Variants in ZNF423 observed in about 807,000 individuals in gnomAD.
The protein encoded by ZNF423 is zinc finger protein 423, also known as Ebf-associated zinc finger protein.
In ZNF423, 12 loss-of-function variants were observed where a neutral mutation model predicts 95.8. The ratio of observed to expected loss-of-function variants is 0.13; its 90% CI spans 0.08 to 0.20. The LOEUF (loss-of-function observed/expected upper bound fraction) is 0.20. Among genes scored for constraint, ZNF423 ranks in the 10% least tolerant of loss-of-function variants. ZNF423 has a pLI of 1.00. For synonymous variants in ZNF423, 749 were observed against 711.9 expected, an observed-to-expected ratio of 1.05 and a Z score of -0.83; for missense variants, 1,316 against 1,737.1, an observed-to-expected ratio of 0.76 and a Z score of 4.31.
chr16:49,704,283 G>A (rs546662433), intron 3 of ZNF423, among the ~76,000 whole-genome samples: 1 of 152,046 alleles, frequency 6.6e-6, no homozygotes, highest in African/African-American at 2.4e-5. Context: ...GACACTCCAC[G>A]AAAACTCCCA....
At chr16:49,529,415 A>C (rs994686372) in intron 5 of ZNF423, among the ~76,000 whole-genome samples, 5 of 152,234 alleles carry the variant, frequency 3.3e-5, no homozygotes, top group African/African-American at 1.2e-4. Flanking sequence ...TCCTCTGCTC[A>C]GGAATAAGTG....
At chr16:49,499,776 A>G (rs1311225991) in intron 7 of ZNF423, among the ~76,000 whole-genome samples, 3 of 152,128 alleles carry the variant, frequency 2.0e-5, no homozygotes, top group African/African-American at 7.2e-5. Context: ...GGGGAAGAAA[A>G]AAGCCCAATA....
At chr16:49,848,184 TG>T (rs1233307760) in intron 1 of ZNF423, among the ~76,000 whole-genome samples, 5 of 152,124 alleles carry the variant, frequency 3.3e-5, no homozygotes, top group Non-Finnish European at 7.4e-5. Context: ...AAGCAGGAGT[TG>T]GGGGATGAAG....
At position 49,637,359 on chromosome 16, in the gene ZNF423, T is replaced by C. The variant is rs1397368982; in HGVS notation, c.1817A>G (p.Lys606Arg). 1.9e-6 allele frequency: 3 copies of C among 1,614,130 alleles called. No homozygotes were observed. The highest frequency in any genetic ancestry group is 1.3e-5 in the African/African-American group (1 of 74,946). Residue 606 changes from lysine (K) to arginine (R), a missense_variant, in exon 4 of 8, where the codon AAG (lysine) becomes AGG (arginine). By Grantham distance (26) the Lys-to-Arg change is conservative (BLOSUM62 2). Around this residue, in one of 6 missense-constraint regions of ZNF423, gnomAD observed 620 missense variants for 775.6 expected, o/e 0.80. Coordinates refer to ENST00000563137, the MANE Select transcript of ZNF423 (RefSeq NM_001379286.1). This position sits in a 1 kb window ranked among gnomAD's most constrained non-coding sequence, Gnocchi z 5.6. ...GACTGGGCTCTGCTCGGCCTTGGAC[T>C]TCTTGCTGTGGGCCAGTGGAATGTT... The part of the protein sequence containing the change: ...HKNIPLAHSK[K>R]SKAEQSPVSS...
chr16:49,570,018 C>T (rs997674842), intron 5 of ZNF423, among the ~76,000 whole-genome samples: 24 of 152,184 alleles, frequency 1.6e-4, no homozygotes, highest in Non-Finnish European at 2.6e-4. Flanking sequence ...TGCATTCTGA[C>T]CCTCCTCACC....
chr16:49,509,260 C>T (rs1967783866), intron 7 of ZNF423, among the ~76,000 whole-genome samples: 1 of 152,098 alleles, frequency 6.6e-6, no homozygotes, highest in Non-Finnish European at 1.5e-5. Context: ...CCCTGCTGTC[C>T]CCTGGGACGC....
At chr16:49,502,312 G>A (rs956458633) in intron 7 of ZNF423, among the ~76,000 whole-genome samples, 3 of 152,192 alleles carry the variant, frequency 2.0e-5, no homozygotes, top group African/African-American at 4.8e-5. Flanking sequence ...AAGAGGGTAA[G>A]GGTAGAAGAT....
At chr16:49,764,118 ATG>A (rs2033882826) in intron 2 of ZNF423, among the ~76,000 whole-genome samples, 1 of 152,164 alleles carries the variant, frequency 6.6e-6, no homozygotes, top group African/African-American at 2.4e-5. Flanking sequence ...CAAAGAGAGG[ATG>A]TGTGTGGGGA....
rs536266696 is a variant in ZNF423, at chr16:49,726,926, G to A, written c.301+3845C>T. Among the ~76,000 whole-genome samples the A allele has an allele frequency of 2.0e-5, 3 of 146,832 alleles. No homozygotes were observed. In the South Asian group the frequency reaches 6.6e-4, roughly 32 times the overall value. The stretch of plus-strand genomic sequence containing the variant: ...CCACATGGGAACCCCTTCATAACAT[G>A]TTATGTGACAAACACAGAACGTGAA... On this transcript the variant is annotated intron_variant, in intron 3 of 7. Coordinates refer to ENST00000563137, the MANE Select transcript of ZNF423 (RefSeq NM_001379286.1).
chr16:49,739,062 T>A (rs1204271361), intron 2 of ZNF423, among the ~76,000 whole-genome samples: 3 of 151,926 alleles, frequency 2.0e-5, no homozygotes, highest in Admixed American at 6.6e-5. Context: ...CAGAAAAGAA[T>A]CACAGGCTCT....
chr16:49,619,487 T>G (rs1971985508), intron 5 of ZNF423, among the ~76,000 whole-genome samples: 1 of 152,168 alleles, frequency 6.6e-6, no homozygotes, highest in Non-Finnish European at 1.5e-5. Flanking sequence ...ACCAACGGGA[T>G]TCAAAGTCAG....
intron 3 of ZNF423, among the ~76,000 whole-genome samples, chr16:49,725,540 T>C (rs942771679): frequency 1.3e-5 from 2 of 152,196 alleles, no homozygotes; most frequent in Non-Finnish European, 2.9e-5. Flanking sequence ...AAAACAGGTA[T>C]GGCTGTTGTC....
At chr16:49,728,434 T>G (rs1240380853) in intron 3 of ZNF423, among the ~76,000 whole-genome samples, 2 of 152,158 alleles carry the variant, frequency 1.3e-5, no homozygotes. Flanking sequence ...GGGGTATTCC[T>G]AGCTCCTGCG....
intron 7 of ZNF423, among the ~76,000 whole-genome samples, chr16:49,522,899 A>C (rs1298909083): frequency 3.3e-5 from 5 of 152,148 alleles, no homozygotes; most frequent in African/African-American, 7.2e-5. Context: ...TTTTGCAAAA[A>C]CCAGTGGGAG....
upstream of ZNF423, among the ~76,000 whole-genome samples, chr16:49,857,190 C>T (rs2035380530): frequency 6.6e-6 from 1 of 150,554 alleles, no homozygotes; most frequent in Non-Finnish European, 1.5e-5. The surrounding 1 kb of genome is among the most constrained non-coding windows in gnomAD (Gnocchi z 6.2). Context: ...CGCTCTGATC[C>T]CGTGGGGCGC....
intron 3 of ZNF423, among the ~76,000 whole-genome samples, chr16:49,704,244 C>A (rs553730831): frequency 2.6e-5 from 4 of 152,174 alleles, no homozygotes; most frequent in African/African-American, 9.6e-5. Context: ...GCTAGAACCC[C>A]CTTCTAGGGC....
At chr16:49,691,532 A>C (rs1328837967) in intron 3 of ZNF423, among the ~76,000 whole-genome samples, 1 of 152,144 alleles carries the variant, frequency 6.6e-6, no homozygotes, top group Non-Finnish European at 1.5e-5. Flanking sequence ...GGAGATCGAG[A>C]ACATCCTGGG....
rs1329496213 is a variant in ZNF423 at position 49,492,769 on chromosome 16, C to G, written c.3850-1465G>C. 6.6e-6 allele frequency among the ~76,000 whole-genome samples: 1 copy of G among 152,196 alleles called. No homozygotes were observed. The highest frequency in any genetic ancestry group is 1.5e-5 in the Non-Finnish European group (1 of 68,018). On this transcript the variant is annotated intron_variant, in intron 7 of 7. Coordinates refer to ENST00000563137, the MANE Select transcript of ZNF423 (RefSeq NM_001379286.1). The surrounding 1 kb of genome is among the most constrained non-coding windows in gnomAD (Gnocchi z 4.2). ...GCAGGCACCGCTCTTTCAATCCTCA[C>G]AACAGCCTTGCGAGGTGGGACTTCT...
At position 49,663,558 on chromosome 16, in the gene ZNF423, A is replaced by T. The variant is rs545689158; in HGVS notation, c.302-24684T>A. 1.9e-3 allele frequency among the ~76,000 whole-genome samples: 282 copies of T among 152,314 alleles called. 1 individual carries two copies. The highest frequency in any genetic ancestry group is 3.7e-3 in the Non-Finnish European group (249 of 68,032). On this transcript the variant is annotated intron_variant, in intron 3 of 7. Coordinates refer to ENST00000563137, the MANE Select transcript of ZNF423 (RefSeq NM_001379286.1). ...TTTAGGTGGCAAAGTCAGGCCCGGC[A>T]GCTGCACTCTGGTGGCCTCCCTCCC...
Sources: gnomAD v4.1 joint callset for allele counts (sites outside exome capture counted in the v4.1 genomes callset) on GRCh38, gnomAD v4.1.1 for gene constraint, gnomAD v4.1.1 regional missense constraint, Gnocchi (gnomAD v3.1) non-coding constraint, MANE v1.5 for transcripts, NCBI Gene and HGNC (gene_info 2026-07-23, HGNC 2026-07-21) for gene names.